The following CFAP20DC variants were observed in gnomAD, a reference collection of about 807,000 sequenced individuals.
CFAP20DC encodes the protein CFAP20 domain containing.
In CFAP20DC, 84 loss-of-function variants were observed where a neutral mutation model predicts 101.7. The ratio of observed to expected loss-of-function variants is 0.83; its 90% CI spans 0.69 to 0.99. The LOEUF is 0.99. Among genes scored for constraint, CFAP20DC ranks in the 50% least tolerant of loss-of-function variants. The pLI is 0.00. For synonymous variants in CFAP20DC, 359 were observed against 351.2 expected, an observed-to-expected ratio of 1.02 and a Z score of -0.25; for missense variants, 1,007 against 970.3, an observed-to-expected ratio of 1.04 and a Z score of -0.50.
intron 4 of CFAP20DC, among the ~76,000 whole-genome samples, chr3:58,947,519 C>G (rs1452416568): frequency 1.3e-5 from 2 of 152,188 alleles, no homozygotes; most frequent in African/African-American, 4.8e-5. Flanking sequence ...CCCATTAAAT[C>G]TGGGCCATGT....
At chr3:58,794,575 A>T (rs2073099011) in intron 15 of CFAP20DC, among the ~76,000 whole-genome samples, 1 of 152,190 alleles carries the variant, frequency 6.6e-6, no homozygotes, top group South Asian at 2.1e-4. Flanking sequence ...TTTTAACTTT[A>T]ATCAATTTCA....
At position 58,724,805 on chromosome 3, in the gene CFAP20DC, CTA is replaced by C. The variant is rs1265897042; in HGVS notation, c.198-7179_198-7178del. 6.6e-6 allele frequency among the ~76,000 whole-genome samples: 1 copy of C among 152,080 alleles called. No individual in the cohort carries two copies. Among genetic ancestry groups the C allele is most frequent in the East Asian group, 1.9e-4 (1 of 5,184 alleles). The stretch of plus-strand genomic sequence containing the variant: ...TTGTCGCCACCGGACTTCGGGTACC[CTA>C]CGGGTGGGTGGTGTTGAGGCTGGTC... On this transcript the variant is annotated intron_variant, in intron 3 of 3. Coordinates refer to the CFAP20DC transcript ENST00000486145. This position sits in a 1 kb window ranked among gnomAD's most constrained non-coding sequence, Gnocchi z 5.6.
intron 4 of CFAP20DC, among the ~76,000 whole-genome samples, chr3:58,990,250 T>G (rs190326601): frequency 1.3e-5 from 2 of 152,354 alleles, no homozygotes; most frequent in East Asian, 3.9e-4. Context: ...ATGTCTAGCC[T>G]CTGCTACTAA....
intron 6 of CFAP20DC, among the ~76,000 whole-genome samples, chr3:58,887,064 A>G (rs2081702662): frequency 6.6e-6 from 1 of 152,230 alleles, no homozygotes; most frequent in Non-Finnish European, 1.5e-5. Flanking sequence ...CCTAATCTGA[A>G]AAAGGAAAAT....
rs912870425 is a variant in CFAP20DC at position 58,914,126 on chromosome 3, T to G, written c.394-262A>C. Among the ~76,000 whole-genome samples, 1 of 152,134 alleles carries G rather than the reference T, an allele frequency of 6.6e-6. No individual in the cohort carries two copies. The highest frequency in any genetic ancestry group is 1.5e-5 in the Non-Finnish European group (1 of 68,022). The stretch of plus-strand genomic sequence containing the variant: ...TCATGAGACAAGACTATGACAACTT[T>G]GGGAAATAACTCTCTATCTGTAGGC... On this transcript the variant is annotated intron_variant, in intron 5 of 16. Transcript: ENST00000482387. This position sits in a 1 kb window ranked among gnomAD's most constrained non-coding sequence, Gnocchi z 4.9.
intron 14 of CFAP20DC, among the ~76,000 whole-genome samples, chr3:58,809,192 C>T (rs558976992): frequency 6.6e-6 from 1 of 152,020 alleles, no homozygotes; most frequent in African/African-American, 2.4e-5. Flanking sequence ...CAGCTCTGCA[C>T]CAAGCGGACC....
intron 6 of CFAP20DC, among the ~76,000 whole-genome samples, chr3:58,900,651 G>T (rs1362504448): frequency 6.6e-6 from 1 of 152,206 alleles, no homozygotes; most frequent in Non-Finnish European, 1.5e-5. Context: ...ATGGCCAGTT[G>T]AGAATGGCTA....
intron 1 of CFAP20DC, 86 bp from the exon 2 acceptor site, chr3:59,047,340 T>C (rs570385224): frequency 1.1e-6 from 1 of 870,038 alleles, no homozygotes; most frequent in Non-Finnish European, 1.8e-6. Flanking sequence ...GTTCCCGGCA[T>C]CTGTCAGTTA....
At chr3:58,916,769 A>G (rs2084775674) in intron 5 of CFAP20DC, among the ~76,000 whole-genome samples, 1 of 152,128 alleles carries the variant, frequency 6.6e-6, no homozygotes, top group African/African-American at 2.4e-5. Context: ...GATTTAGCTG[A>G]TATTGATAAA....
At chr3:58,784,286 C>T (rs1332199287) in intron 15 of CFAP20DC, among the ~76,000 whole-genome samples, 2 of 151,932 alleles carry the variant, frequency 1.3e-5, no homozygotes, top group African/African-American at 4.8e-5. Flanking sequence ...GCACAGTACT[C>T]CATCATGTAT....
chr3:58,751,516 GC>G (rs2068572501), intron 16 of CFAP20DC, among the ~76,000 whole-genome samples: 1 of 152,114 alleles, frequency 6.6e-6, no homozygotes, highest in South Asian at 2.1e-4. Flanking sequence ...GAGGGGGCCG[GC>G]TGAGGGCTGA....
At chr3:58,834,332 A>G (rs950515434) in intron 13 of CFAP20DC, among the ~76,000 whole-genome samples, 2 of 152,222 alleles carry the variant, frequency 1.3e-5, no homozygotes, top group South Asian at 4.1e-4. Context: ...AGTGGGATTA[A>G]GCGTTCTAAT....
chr3:58,877,653 C>T (rs770098036), intron 7 of CFAP20DC, among the ~76,000 whole-genome samples: 99 of 152,314 alleles, frequency 6.5e-4, no homozygotes, highest in Middle Eastern at 3.4e-3. Flanking sequence ...TTTTAAATTA[C>T]ATATGATGAT....
At chr3:58,743,342 T>A (rs1295941671) in intron 16 of CFAP20DC, among the ~76,000 whole-genome samples, 1 of 152,194 alleles carries the variant, frequency 6.6e-6, no homozygotes, top group Non-Finnish European at 1.5e-5. Flanking sequence ...TTGTGCTAAG[T>A]ACTTTTGTAT....
chr3:58,923,595 C>A (rs2085629612), intron 5 of CFAP20DC, among the ~76,000 whole-genome samples: 2 of 152,144 alleles, frequency 1.3e-5, no homozygotes, highest in South Asian at 2.1e-4. Context: ...AAGTTGGTAA[C>A]AAGCTTATTA....
chr3:58,902,254 T>C (rs1190421572), intron 6 of CFAP20DC, among the ~76,000 whole-genome samples: 1 of 152,242 alleles, frequency 6.6e-6, no homozygotes, highest in Non-Finnish European at 1.5e-5. Flanking sequence ...GCTATGATTA[T>C]GTATGTACAT....
At chr3:58,825,358 G>A (rs527353287) in intron 14 of CFAP20DC, among the ~76,000 whole-genome samples, 15 of 152,212 alleles carry the variant, frequency 9.9e-5, no homozygotes, top group Admixed American at 2.6e-4. Flanking sequence ...GTACTCATTC[G>A]ATTTGCATAA....
At position 58,795,282 on chromosome 3, in the gene CFAP20DC, T is replaced by C. The variant is rs2073156160; in HGVS notation, c.2237+11113A>G. On this transcript the variant is annotated intron_variant, in intron 15 of 16. Coordinates refer to ENST00000482387, the MANE Select transcript of CFAP20DC (RefSeq NM_001394063.1). This position sits in a 1 kb window ranked among gnomAD's most constrained non-coding sequence, Gnocchi z 4.2. ...AGGTAATCTGAGTTCAGCATCTGGA[T>C]GGATAACAATTGCTGGGGAGGCTTC... Among the ~76,000 whole-genome samples, 1 of 152,230 alleles carries C rather than the reference T, an allele frequency of 6.6e-6. No individual in the cohort carries two copies. Among genetic ancestry groups the C allele is most frequent in the Non-Finnish European group, 1.5e-5 (1 of 68,036 alleles).
At chr3:58,991,503 T>A (rs2092935979) in intron 4 of CFAP20DC, among the ~76,000 whole-genome samples, 1 of 152,202 alleles carries the variant, frequency 6.6e-6, no homozygotes. Flanking sequence ...TTAAAATATA[T>A]CCCTTAAAAC....
Sources: gnomAD v4.1 joint callset for allele counts (sites outside exome capture counted in the v4.1 genomes callset) on GRCh38, gnomAD v4.1.1 for gene constraint, Gnocchi (gnomAD v3.1) non-coding constraint, MANE v1.5 for transcripts, NCBI Gene and HGNC (gene_info 2026-07-23, HGNC 2026-07-21) for gene names.